Variants in DENND4A observed in about 807,000 individuals in gnomAD.
DENND4A encodes C-myc promoter-binding protein.
DENND4A carries 70 observed loss-of-function variants against 199.3 expected under a neutral mutation model. The ratio of observed to expected loss-of-function variants is 0.35; its 90% confidence interval spans 0.29 to 0.43. DENND4A has a LOEUF of 0.43. Among genes scored for constraint, DENND4A ranks in the 20% least tolerant of loss-of-function variants. DENND4A has a pLI of 1.00. For synonymous variants in DENND4A, 686 were observed against 766.9 expected (o/e 0.89, Z 1.74); for missense variants, 1,723 against 2,255.8 (o/e 0.76, Z 4.78).
chr15:65,752,334 C>T, intron 4 of DENND4A, 45 bp downstream of exon 4: 5 of 328,812 alleles, frequency 1.5e-5, no homozygotes, highest in Non-Finnish European at 2.9e-5. Context: ...AAATTATGCT[C>T]TTTTCATCAG....
At chr15:65,687,413 T>G (rs1487149268) in intron 23 of DENND4A, among the ~76,000 whole-genome samples, 2 of 152,184 alleles carry the variant, frequency 1.3e-5, no homozygotes, top group Admixed American at 1.3e-4. Flanking sequence ...TTTTTCAGTT[T>G]AGGAGGCAAA....
At chr15:65,711,056 G>C (rs961556358) in intron 14 of DENND4A, among the ~76,000 whole-genome samples, 1 of 152,146 alleles carries the variant, frequency 6.6e-6, no homozygotes, top group South Asian at 2.1e-4. Context: ...TCCAGATGCA[G>C]GTATTTCTTT....
At chr15:65,784,557 A>G (rs1457415899) in intron 1 of DENND4A, among the ~76,000 whole-genome samples, 2 of 152,140 alleles carry the variant, frequency 1.3e-5, no homozygotes, top group African/African-American at 4.8e-5. Flanking sequence ...ATTTATTCAA[A>G]TTAAATAAAA....
chr15:65,750,529 T>TA (rs968852158), intron 4 of DENND4A, among the ~76,000 whole-genome samples: 2 of 150,660 alleles, frequency 1.3e-5, no homozygotes, highest in African/African-American at 2.5e-5. Context: ...AAATTCAAAT[T>TA]AAAAAAAAGG....
chr15:65,709,713 A>AT (rs1481832532), intron 14 of DENND4A, among the ~76,000 whole-genome samples: 6 of 112,256 alleles, frequency 5.3e-5, no homozygotes, highest in African/African-American at 1.9e-4. Flanking sequence ...AAAAAAAAAA[A>AT]AAAAAAATAT....
rs547730255 is a variant in DENND4A, at chr15:65,687,143, T to C, written c.4179+3272A>G. ...CTGTAAGACTATTTGAATATTTTTA[T>C]TGGCTTTTTGGCTACATCTCACTGT... On this transcript the variant is annotated intron_variant, in intron 23 of 32. Coordinates refer to ENST00000443035, the MANE Select transcript of DENND4A (RefSeq NM_001320835.1). Among the ~76,000 whole-genome samples the C allele has an allele frequency of 1.1e-4, 16 of 152,350 alleles. No individual in the cohort carries two copies. The South Asian group carries it at 3.3e-3, about 32-fold the overall frequency.
chr15:65,663,211 T>TTA (rs2075924460), intron 32 of DENND4A, among the ~76,000 whole-genome samples: 1 of 142,424 alleles, frequency 7.0e-6, no homozygotes, highest in African/African-American at 2.6e-5. Flanking sequence ...TTTTTTTTTT[T>TTA]ATTTTTTTTT....
chr15:65,673,888 T>C (rs572257305), intron 24 of DENND4A, among the ~76,000 whole-genome samples: 38 of 152,296 alleles, frequency 2.5e-4, no homozygotes, highest in African/African-American at 9.1e-4. Context: ...ACCTTTTGTA[T>C]CTAACTAATC....
intron 14 of DENND4A, among the ~76,000 whole-genome samples, chr15:65,710,832 C>G (rs185375904): frequency 1.1e-4 from 16 of 152,258 alleles, no homozygotes; most frequent in Non-Finnish European, 2.1e-4. Context: ...TGAGTTCTCT[C>G]GAGATCTGTT....
intron 5 of DENND4A, among the ~76,000 whole-genome samples, chr15:65,740,881 G>C (rs1277898059): frequency 6.6e-6 from 1 of 151,978 alleles, no homozygotes; most frequent in Non-Finnish European, 1.5e-5. Context: ...AGGATACCTT[G>C]AGCACAAGAG....
chr15:65,736,550 GCCA>G (rs1410870285), intron 7 of DENND4A, among the ~76,000 whole-genome samples: 1 of 151,920 alleles, frequency 6.6e-6, no homozygotes, highest in African/African-American at 2.4e-5. Flanking sequence ...ACAGGTGTGA[GCCA>G]CCACACCTGC....
At chr15:65,782,063 C>T (rs1203581760) in intron 1 of DENND4A, among the ~76,000 whole-genome samples, 3 of 152,198 alleles carry the variant, frequency 2.0e-5, no homozygotes, top group Non-Finnish European at 4.4e-5. Flanking sequence ...CACAAGGGCC[C>T]TTGTCATTGA....
chr15:65,734,697 A>T (rs2076062650), intron 7 of DENND4A, among the ~76,000 whole-genome samples: 1 of 152,164 alleles, frequency 6.6e-6, no homozygotes, highest in South Asian at 2.1e-4. Context: ...TTGAACTATG[A>T]AGTAGTTAGA....
chr15:65,723,329 T>A lies in DENND4A; in HGVS notation c.1488-381A>T, dbSNP rs549520451. Among the ~76,000 whole-genome samples, 31 of 152,214 alleles carry A rather than the reference T, an allele frequency of 2.0e-4. No homozygotes were observed. In the East Asian group the frequency reaches 4.0e-3, roughly 20 times the overall value. ...TCCTACCATAAGTTTTTTTCTTAAA[T>A]ACTGTAAGAAAAAGCACTACAAAAA... On this transcript the variant is annotated intron_variant, in intron 11 of 32. Transcript: ENST00000443035.
intron 7 of DENND4A, among the ~76,000 whole-genome samples, chr15:65,736,550 G>A (rs2076125252): frequency 6.6e-6 from 1 of 151,920 alleles, no homozygotes; most frequent in African/African-American, 2.4e-5. Flanking sequence ...ACAGGTGTGA[G>A]CCACCACACC....
intron 12 of DENND4A, among the ~76,000 whole-genome samples, chr15:65,720,728 T>C (rs1373326635): frequency 6.6e-6 from 1 of 150,750 alleles, no homozygotes; most frequent in Non-Finnish European, 1.5e-5. Context: ...GCCTAGGTTT[T>C]AATCCCAGCT....
At chr15:65,687,659 T>G (rs2076836397) in intron 23 of DENND4A, among the ~76,000 whole-genome samples, 1 of 152,238 alleles carries the variant, frequency 6.6e-6, no homozygotes, top group Admixed American at 6.5e-5. Context: ...ACAGGTCTTT[T>G]CTTCCAATGC....
chr15:65,709,719 A>AAAAAATATATATATATATATAT (rs1218030026), intron 14 of DENND4A, among the ~76,000 whole-genome samples: 1 of 51,468 alleles, frequency 1.9e-5, no homozygotes, highest in Non-Finnish European at 3.1e-5. Context: ...AAAAAAAAAA[A>AAAAAATATATATATATATATAT]ATATATATAT....
chr15:65,689,439 C>T (rs1218331040), intron 23 of DENND4A, among the ~76,000 whole-genome samples: 2 of 152,056 alleles, frequency 1.3e-5, no homozygotes, highest in Non-Finnish European at 2.9e-5. Context: ...TTTATTTCTC[C>T]AGAAAAGGTA....
Sources: gnomAD v4.1 joint callset for allele counts (sites outside exome capture counted in the v4.1 genomes callset) on GRCh38, gnomAD v4.1.1 for gene constraint, MANE v1.5 for transcripts, NCBI Gene and HGNC (gene_info 2026-07-23, HGNC 2026-07-21) for gene names.